The following PTGER3 variants were observed in gnomAD, a reference collection of about 807,000 sequenced individuals.
The protein encoded by PTGER3 is prostaglandin E2 receptor EP3 subtype.
Under a neutral mutation model 34.7 loss-of-function variants are expected in PTGER3, and 22 were observed. That is an observed-to-expected ratio of 0.63 (90% CI 0.45 to 0.91). The LOEUF is 0.91. PTGER3 is among the 40% of genes least tolerant of loss of function. PTGER3 has a pLI of 0.00. For synonymous variants in PTGER3, 241 were observed against 230.1 expected (o/e 1.05, Z -0.43); for missense variants, 468 against 519.4 (o/e 0.90, Z 0.96).
intron 4 of PTGER3, chr1:70,862,260 A>AG (rs1477346946): frequency 8.9e-7 from 1 of 1,117,458 alleles, no homozygotes; most frequent in Non-Finnish European, 1.2e-6. Flanking sequence ...AAGTAAAAAA[A>AG]AATATTAATA....
At chr1:70,857,727 G>A (rs573168742) in intron 4 of PTGER3, among the ~76,000 whole-genome samples, 2 of 151,978 alleles carry the variant, frequency 1.3e-5, no homozygotes, top group Admixed American at 6.6e-5. Flanking sequence ...GTAGAGACGG[G>A]GTTTCACTGT....
In PTGER3 at chr1:71,034,051, G is replaced by GTT. The variant is rs1384374189; in HGVS notation, c.897+12629_897+12630insAA. ...CTTTAAGTAAATTTAGTATTGTTAT[G>GTT]ATGTGTCTGTATCTGGATTCTTTAT... On this transcript the variant is annotated intron_variant, in intron 1 of 3. Transcript: ENST00000306666. Among the ~76,000 whole-genome samples the GTT allele has an allele frequency of 2.6e-5, 4 of 152,004 alleles. No homozygotes were observed. In the East Asian group the frequency reaches 7.7e-4, roughly 29 times the overall value.
chr1:71,022,457 G>A (rs1008691671), intron 1 of PTGER3, among the ~76,000 whole-genome samples: 3 of 151,924 alleles, frequency 2.0e-5, no homozygotes, highest in Non-Finnish European at 4.4e-5. Context: ...CTGTGACATA[G>A]TGGGTACACA....
At chr1:70,872,037 C>T (rs963505549) in intron 4 of PTGER3, among the ~76,000 whole-genome samples, 4 of 152,072 alleles carry the variant, frequency 2.6e-5, no homozygotes, top group Non-Finnish European at 4.4e-5. Flanking sequence ...GCCTCAAACA[C>T]GATTGTGTTG....
chr1:70,860,057 G>C (rs1645894691), intron 4 of PTGER3, among the ~76,000 whole-genome samples: 1 of 151,400 alleles, frequency 6.6e-6, no homozygotes, highest in Admixed American at 6.6e-5. Flanking sequence ...GGGTGGGGGG[G>C]AGTGGGCGCT....
intron 4 of PTGER3, among the ~76,000 whole-genome samples, chr1:70,897,534 C>T (rs1282121314): frequency 1.3e-5 from 2 of 152,148 alleles, no homozygotes; most frequent in South Asian, 4.1e-4. Flanking sequence ...TTCTTTATGA[C>T]TCCCACGTGT....
At chr1:70,869,389 C>T (rs1206641981) in intron 4 of PTGER3, 2 of 417,202 alleles carry the variant, frequency 4.8e-6, no homozygotes, top group Non-Finnish European at 9.7e-6. Flanking sequence ...TCATTCCACC[C>T]CTCTTCTCCA....
chr1:70,994,832 C>A lies in PTGER3; in HGVS notation c.1077+17473G>T, dbSNP rs569197821. On this transcript the variant is annotated intron_variant, in intron 2 of 3. Transcript: ENST00000306666. ...TTTTATTTGTACTATTTTTTTTGGTCATTTAAATCAATTTAATAAGTATTT... is the reference window on the plus strand; with the variant it reads ...TTTTATTTGTACTATTTTTTTTGGTAATTTAAATCAATTTAATAAGTATTT... Among the ~76,000 whole-genome samples, 5 of 152,004 alleles carry A rather than the reference C, an allele frequency of 3.3e-5. No homozygotes were observed. The East Asian group carries it at 9.6e-4, about 29-fold the overall frequency.
chr1:70,971,250 A>G lies in PTGER3; in HGVS notation c.*480T>C. ...TTCCCTCCTGCCCTCATTTGCTTTT[A>G]TATGTCGTTAAGTTCATATCCTATT... On this transcript the variant is annotated 3_prime_UTR_variant, in exon 4 of 4. Transcript: ENST00000306666. 1.0e-6 allele frequency: 1 copy of G among 985,560 alleles called. No individual in the cohort carries two copies. The highest frequency in any genetic ancestry group is 4.7e-5 in the South Asian group (1 of 21,298). The allele number at this position is 985,560 out of a possible 1,614,324, so 61.1% of individuals were successfully genotyped here. A position where few individuals can be genotyped will look rare whatever the true frequency, so the allele number is the denominator to read the frequency against.
chr1:70,919,150 A>G (rs1319317385), intron 4 of PTGER3, among the ~76,000 whole-genome samples: 1 of 152,088 alleles, frequency 6.6e-6, no homozygotes, highest in African/African-American at 2.4e-5. Flanking sequence ...GGCCCATTGC[A>G]ATTTATTTCT....
At chr1:70,990,217 C>T (rs1053113385) in intron 2 of PTGER3, among the ~76,000 whole-genome samples, 7 of 151,094 alleles carry the variant, frequency 4.6e-5, no homozygotes, top group East Asian at 3.9e-4. Context: ...ATTAGCCAGG[C>T]GTGGTGGCGG....
At chr1:70,891,786 G>C (rs1646623583) in intron 4 of PTGER3, among the ~76,000 whole-genome samples, 1 of 152,260 alleles carries the variant, frequency 6.6e-6, no homozygotes, top group Admixed American at 6.5e-5. Flanking sequence ...ATAAGCTAAG[G>C]AAGGAAGGAT....
At chr1:70,956,167 T>A (rs998284975) in intron 2 of PTGER3, among the ~76,000 whole-genome samples, 3 of 152,206 alleles carry the variant, frequency 2.0e-5, no homozygotes, top group African/African-American at 7.2e-5. Flanking sequence ...GTTCCCTCTA[T>A]ATTTCCTATA....
chr1:71,010,574 T>A, intron 2 of PTGER3: 1 of 984,258 alleles, frequency 1.0e-6, no homozygotes, highest in Non-Finnish European at 1.2e-6. Context: ...AACCAAGAGG[T>A]AAAGCCTCTT....
chr1:70,963,103 CA>C (rs1652115071), intron 2 of PTGER3, among the ~76,000 whole-genome samples: 1 of 152,168 alleles, frequency 6.6e-6, no homozygotes, highest in African/African-American at 2.4e-5. Context: ...CTTAAAGCTC[CA>C]AAATGATCTC....
chr1:70,886,265 A>G (rs1272673348), intron 4 of PTGER3: 1 of 448,336 alleles, frequency 2.2e-6, no homozygotes, highest in Non-Finnish European at 4.5e-6. Context: ...CAAACCAAAA[A>G]GAGGGCACTC....
At chr1:71,035,592 C>G (rs550226210) in intron 1 of PTGER3, among the ~76,000 whole-genome samples, 1 of 152,338 alleles carries the variant, frequency 6.6e-6, no homozygotes, top group African/African-American at 2.4e-5. Flanking sequence ...CCCATCTAAT[C>G]CATTAGGCAA....
chr1:70,998,734 G>C (rs146173272), intron 2 of PTGER3, among the ~76,000 whole-genome samples: 21 of 152,200 alleles, frequency 1.4e-4, no homozygotes, highest in African/African-American at 4.1e-4. Flanking sequence ...GAAATTCTCT[G>C]GTAGTTCTGT....
chr1:70,972,713 C>CTTT (rs1653217239), intron 3 of PTGER3, among the ~76,000 whole-genome samples: 1 of 151,700 alleles, frequency 6.6e-6, no homozygotes. Flanking sequence ...AAAGAATTTG[C>CTTT]AAATGGTCTG....
Sources: gnomAD v4.1 joint callset for allele counts (sites outside exome capture counted in the v4.1 genomes callset) on GRCh38, gnomAD v4.1.1 for gene constraint, MANE v1.5 for transcripts, NCBI Gene and HGNC (gene_info 2026-07-23, HGNC 2026-07-21) for gene names.